Variants in AGBL4 observed in about 807,000 individuals in gnomAD.
The protein encoded by AGBL4 is cytosolic carboxypeptidase 6.
AGBL4 carries 58 observed loss-of-function variants against 66.4 expected under a neutral mutation model. That is an observed-to-expected ratio of 0.87 (90% CI 0.71 to 1.09). The LOEUF (loss-of-function observed/expected upper bound fraction) is 1.09. AGBL4 is among the 50% of genes least tolerant of loss of function. AGBL4 has a pLI of 0.00. For synonymous variants in AGBL4, 234 were observed against 222.9 expected (o/e 1.05, Z -0.44); for missense variants, 579 against 631.0 (o/e 0.92, Z 0.88).
intron 6 of AGBL4, among the ~76,000 whole-genome samples, chr1:48,828,037 C>CACACAT (rs1491103729): frequency 5.8e-4 from 83 of 143,778 alleles, no homozygotes; most frequent in Middle Eastern, 3.5e-3. Context: ...CACACACACA[C>CACACAT]ACACACAAAT....
intron 1 of AGBL4, among the ~76,000 whole-genome samples, chr1:49,998,295 C>T (rs1660505168): frequency 6.6e-6 from 1 of 152,020 alleles, no homozygotes; most frequent in Admixed American, 6.6e-5. Flanking sequence ...TCATTCAAGA[C>T]TACTATGAAC....
chr1:49,007,449 C>T (rs1661954067), intron 5 of AGBL4, among the ~76,000 whole-genome samples: 1 of 149,784 alleles, frequency 6.7e-6, no homozygotes, highest in Admixed American at 6.6e-5. Flanking sequence ...TTGGAAAACA[C>T]TCTGCAGGAT....
intron 5 of AGBL4, among the ~76,000 whole-genome samples, chr1:48,900,250 G>A (rs1323966673): frequency 6.6e-6 from 1 of 152,184 alleles, no homozygotes; most frequent in African/African-American, 2.4e-5. Context: ...CTAGGCCAGG[G>A]AATATAAGCT....
chr1:48,761,298 G>A (rs1292195145), intron 6 of AGBL4: 1 of 1,521,248 alleles, frequency 6.6e-7, no homozygotes. Flanking sequence ...ATCTGAAAAT[G>A]CTCCAGCATA....
intron 4 of AGBL4, among the ~76,000 whole-genome samples, chr1:49,066,964 C>T (rs893527005): frequency 9.9e-5 from 15 of 152,158 alleles, no homozygotes; most frequent in Non-Finnish European, 1.5e-4. Flanking sequence ...GCATCTTCTC[C>T]GCACCAACAT....
chr1:49,358,552 T>A (rs1644068314), intron 3 of AGBL4, among the ~76,000 whole-genome samples: 5 of 152,116 alleles, frequency 3.3e-5, no homozygotes. Context: ...ACACCACTAT[T>A]CCAAAAGAGA....
intron 6 of AGBL4, among the ~76,000 whole-genome samples, chr1:48,850,921 C>T (rs1647018819): frequency 6.6e-6 from 1 of 152,166 alleles, no homozygotes; most frequent in South Asian, 2.1e-4. Context: ...ACCTAGAAGC[C>T]ATGTGAACCA....
intron 6 of AGBL4, among the ~76,000 whole-genome samples, chr1:48,704,479 A>T (rs1012940931): frequency 1.3e-5 from 2 of 152,244 alleles, no homozygotes; most frequent in Admixed American, 1.3e-4. Context: ...TTAGCTTAAA[A>T]TACAAACACA....
At chr1:49,441,157 T>C (rs1331407684) in intron 3 of AGBL4, among the ~76,000 whole-genome samples, 1 of 152,236 alleles carries the variant, frequency 6.6e-6, no homozygotes, top group African/African-American at 2.4e-5. Context: ...CCCCTAGGTG[T>C]AAGGTCGAGA....
At chr1:48,674,131 C>T (rs1646324632) in intron 6 of AGBL4, among the ~76,000 whole-genome samples, 1 of 152,224 alleles carries the variant, frequency 6.6e-6, no homozygotes, top group Non-Finnish European at 1.5e-5. Flanking sequence ...TTTCTAGTTT[C>T]CTCACACCTC....
chr1:49,784,964 A>T (rs1252041720), intron 2 of AGBL4, among the ~76,000 whole-genome samples: 1 of 152,116 alleles, frequency 6.6e-6, no homozygotes, highest in Non-Finnish European at 1.5e-5. Context: ...TTATAACCTC[A>T]GTTTACTTAC....
chr1:49,167,567 C>T (rs1211870411), intron 4 of AGBL4, among the ~76,000 whole-genome samples: 2 of 152,124 alleles, frequency 1.3e-5, no homozygotes, highest in East Asian at 3.9e-4. Flanking sequence ...GAGGATATTT[C>T]CTTAGGCTGA....
At chr1:49,020,083 T>C (rs1260219355) in intron 5 of AGBL4, among the ~76,000 whole-genome samples, 2 of 152,202 alleles carry the variant, frequency 1.3e-5, no homozygotes, top group African/African-American at 4.8e-5. Flanking sequence ...GGCTGAGTGA[T>C]ATGGAATAAT....
intron 3 of AGBL4, among the ~76,000 whole-genome samples, chr1:49,541,521 C>G (rs564725870): frequency 7.9e-5 from 12 of 152,336 alleles, no homozygotes; most frequent in African/African-American, 2.9e-4. Context: ...GCAGTGCCGG[C>G]CTGCCGGTGC....
chr1:49,631,545 T>C (rs1404664154), intron 3 of AGBL4, among the ~76,000 whole-genome samples: 2 of 152,174 alleles, frequency 1.3e-5, no homozygotes, highest in Non-Finnish European at 2.9e-5. Context: ...GTTTCATCAT[T>C]GATGAAATCC....
At chr1:49,939,109 CAA>C (rs1187982730) in intron 1 of AGBL4, among the ~76,000 whole-genome samples, 1 of 151,996 alleles carries the variant, frequency 6.6e-6, no homozygotes, top group African/African-American at 2.4e-5. Context: ...ACAATTGCTT[CAA>C]AGAGAATAAA....
chr1:48,532,447 C>A (rs894824704), downstream of AGBL4, among the ~76,000 whole-genome samples: 6 of 152,268 alleles, frequency 3.9e-5, no homozygotes, highest in African/African-American at 1.4e-4. Context: ...ATTATACCTG[C>A]TGTTTGTGTA....
chr1:49,377,257 G>A (rs1454166728), intron 3 of AGBL4, among the ~76,000 whole-genome samples: 2 of 152,062 alleles, frequency 1.3e-5, no homozygotes, highest in Non-Finnish European at 2.9e-5. Flanking sequence ...AATCAGGACA[G>A]TAATTATGTA....
chr1:49,045,849 G>A (rs1431358157), intron 4 of AGBL4, 49 bp from the exon 5 acceptor site: 1 of 1,441,008 alleles, frequency 6.9e-7, no homozygotes, highest in African/African-American at 1.4e-5. Flanking sequence ...ATTCGTTCAA[G>A]CTTCAAAAGG....
Sources: allele counts gnomAD v4.1 joint callset (sites outside exome capture counted in the v4.1 genomes callset), GRCh38; gene constraint gnomAD v4.1.1; transcripts MANE v1.5; gene names NCBI Gene and HGNC (gene_info 2026-07-23, HGNC 2026-07-21).